HS6ST3: variants seen among roughly 807,000 people sequenced by gnomAD.
The protein encoded by HS6ST3 is heparan-sulfate 6-O-sulfotransferase 3.
A neutral mutation model predicts 36.7 loss-of-function variants in HS6ST3; 12 were observed. The ratio of observed to expected loss-of-function variants is 0.33; its 90% CI spans 0.21 to 0.53. The LOEUF (loss-of-function observed/expected upper bound fraction) is 0.53. Ranked by LOEUF, HS6ST3 falls within the 20% of genes least tolerant of loss-of-function variation. HS6ST3 has a pLI of 0.95. For synonymous variants in HS6ST3, 240 were observed against 257.5 expected (o/e 0.93, Z 0.65); for missense variants, 584 against 640.9 (o/e 0.91, Z 0.96).
chr13:96,377,999 T>G (rs1482980736), intron 1 of HS6ST3, among the ~76,000 whole-genome samples: 1 of 152,182 alleles, frequency 6.6e-6, no homozygotes, highest in African/African-American at 2.4e-5. Context: ...TTGATGGAAT[T>G]GATCGAGTGA....
At chr13:96,774,593 T>C (rs1000173428) in intron 1 of HS6ST3, among the ~76,000 whole-genome samples, 4 of 151,788 alleles carry the variant, frequency 2.6e-5, no homozygotes, top group African/African-American at 9.7e-5. Flanking sequence ...AGATTGAAGA[T>C]CAACTTAATG....
chr13:96,733,796 A>G (rs1390166655), intron 1 of HS6ST3, among the ~76,000 whole-genome samples: 2 of 152,268 alleles, frequency 1.3e-5, no homozygotes, highest in East Asian at 1.9e-4. Flanking sequence ...CACAGAAGGT[A>G]GTTCTGTCCC....
chr13:96,194,194 A>C (rs2040179934), intron 1 of HS6ST3, among the ~76,000 whole-genome samples: 1 of 152,120 alleles, frequency 6.6e-6, no homozygotes, highest in South Asian at 2.1e-4. Context: ...TGTATATACA[A>C]TATTGGGAAA....
intron 1 of HS6ST3, among the ~76,000 whole-genome samples, chr13:96,182,698 A>G (rs2054245508): frequency 6.6e-6 from 1 of 152,210 alleles, no homozygotes; most frequent in Admixed American, 6.5e-5. Flanking sequence ...AATGTAATAT[A>G]CCTGTTGTGA....
At chr13:96,093,872 G>T (rs1424232546) in intron 1 of HS6ST3, among the ~76,000 whole-genome samples, 2 of 152,048 alleles carry the variant, frequency 1.3e-5, no homozygotes, top group Admixed American at 1.3e-4. Flanking sequence ...GATAATGGAG[G>T]GTACCTTTTC....
At chr13:96,664,389 GTCATT>G (rs1485663295) in intron 1 of HS6ST3, among the ~76,000 whole-genome samples, 1 of 152,080 alleles carries the variant, frequency 6.6e-6, no homozygotes, top group South Asian at 2.1e-4. Context: ...TTAACCATAT[GTCATT>G]TCATCACTCA....
chr13:96,776,509 T>G (rs1367462667), intron 1 of HS6ST3, among the ~76,000 whole-genome samples: 1 of 152,066 alleles, frequency 6.6e-6, no homozygotes, highest in African/African-American at 2.4e-5. Flanking sequence ...ATAAAGGGGA[T>G]ATCACCACTG....
intron 1 of HS6ST3, among the ~76,000 whole-genome samples, chr13:96,449,271 A>C (rs1348186544): frequency 6.6e-6 from 1 of 152,144 alleles, no homozygotes; most frequent in Admixed American, 6.5e-5. Context: ...ATAATCTGGA[A>C]GTCTTTAGAA....
In HS6ST3 at chr13:96,523,200, T is replaced by G. The variant is rs184324961; in HGVS notation, c.708-309290T>G. 2.8e-3 allele frequency among the ~76,000 whole-genome samples: 426 copies of G among 152,340 alleles called. 1 individual carries two copies. Among genetic ancestry groups the G allele is most frequent in the African/African-American group, 9.9e-3 (410 of 41,578 alleles). ...TGTTGAATATTGGCCCCCACTCTCT[T>G]CTGGCTTGTAGGGTTTCTGCCGAGA... On this transcript the variant is annotated intron_variant, in intron 1 of 1. Transcript: ENST00000376705.
rs141720185 is a variant in HS6ST3, at chr13:96,135,372, A to G, written c.707+43803A>G. Among the ~76,000 whole-genome samples the G allele has an allele frequency of 3.7e-3, 563 of 152,330 alleles. 3 individuals carry two copies. The highest frequency in any genetic ancestry group is 0.013 in the African/African-American group (542 of 41,570). ...TCTGTTATGGTAAGAACACACAGTGAATCATAAGTCTGGTCTTAGACATAT... is the reference window on the plus strand; with the variant it reads ...TCTGTTATGGTAAGAACACACAGTGGATCATAAGTCTGGTCTTAGACATAT... On this transcript the variant is annotated intron_variant, in intron 1 of 1. Coordinates refer to ENST00000376705, the MANE Select transcript of HS6ST3 (RefSeq NM_153456.4).
At chr13:96,821,342 T>C (rs1878530711) in intron 1 of HS6ST3, among the ~76,000 whole-genome samples, 2 of 152,230 alleles carry the variant, frequency 1.3e-5, no homozygotes, top group South Asian at 2.1e-4. Flanking sequence ...ATTTTGCATC[T>C]AGAGCTTTGA....
At chr13:96,660,811 A>T (rs146961854) in intron 1 of HS6ST3, among the ~76,000 whole-genome samples, 20 of 152,296 alleles carry the variant, frequency 1.3e-4, no homozygotes, top group African/African-American at 4.1e-4. Flanking sequence ...GGGAGTTTCC[A>T]GAAGAGACTG....
At chr13:96,195,520 A>G (rs2054308062) in intron 1 of HS6ST3, among the ~76,000 whole-genome samples, 1 of 152,184 alleles carries the variant, frequency 6.6e-6, no homozygotes, top group South Asian at 2.1e-4. Flanking sequence ...GGAAAGAATT[A>G]CAACCTCGTC....
At chr13:96,329,842 C>G (rs1421247641) in intron 1 of HS6ST3, among the ~76,000 whole-genome samples, 1 of 124,102 alleles carries the variant, frequency 8.1e-6, no homozygotes, top group Non-Finnish European at 1.7e-5. Context: ...TCACTCAGGA[C>G]TTGCTTTATG....
chr13:96,492,412 G>T (rs1001237130), intron 1 of HS6ST3, among the ~76,000 whole-genome samples: 1 of 152,184 alleles, frequency 6.6e-6, no homozygotes, highest in Non-Finnish European at 1.5e-5. Flanking sequence ...ATACCACTCT[G>T]TGTTGTAAGC....
At chr13:96,452,322 A>G (rs2055732186) in intron 1 of HS6ST3, among the ~76,000 whole-genome samples, 1 of 152,218 alleles carries the variant, frequency 6.6e-6, no homozygotes, top group Non-Finnish European at 1.5e-5. Flanking sequence ...ACTGAGCAGC[A>G]GGAACTCAAG....
chr13:96,573,846 A>G, intron 1 of HS6ST3: 1 of 434,024 alleles, frequency 2.3e-6, no homozygotes. Context: ...AAGTGCTCCC[A>G]TCACACGAAT....
chr13:96,634,135 C>T (rs2056541087), intron 1 of HS6ST3, among the ~76,000 whole-genome samples: 1 of 152,174 alleles, frequency 6.6e-6, no homozygotes, highest in Admixed American at 6.5e-5. Flanking sequence ...CTGGGACTTC[C>T]ACCTGCAAGA....
At chr13:96,673,478 T>C (rs867398298) in intron 1 of HS6ST3, among the ~76,000 whole-genome samples, 1 of 152,186 alleles carries the variant, frequency 6.6e-6, no homozygotes, top group Non-Finnish European at 1.5e-5. Context: ...TCTTCATCAA[T>C]CATTTTGTTT....
Sources: allele counts gnomAD v4.1 joint callset (sites outside exome capture counted in the v4.1 genomes callset), GRCh38; gene constraint gnomAD v4.1.1; transcripts MANE v1.5; gene names NCBI Gene and HGNC (gene_info 2026-07-23, HGNC 2026-07-21).